The following FBXL7 variants were observed in gnomAD, a reference collection of about 807,000 sequenced individuals.
FBXL7 encodes the protein F-box and leucine rich repeat protein 7.
Under a neutral mutation model 38.3 loss-of-function variants are expected in FBXL7, and 12 were observed. That is an observed-to-expected ratio of 0.31 (90% CI 0.20 to 0.51). The LOEUF is 0.51. Ranked by LOEUF, FBXL7 falls within the 20% of genes least tolerant of loss-of-function variation. The pLI, the probability that FBXL7 is intolerant of heterozygous loss-of-function variation, is 0.98. For missense variants in FBXL7, 567 were observed against 676.4 expected, an observed-to-expected ratio of 0.84 and a Z score of 1.79; for synonymous variants, 297 against 300.9, an observed-to-expected ratio of 0.99 and a Z score of 0.13.
At chr5:15,679,430 A>G (rs1029331545) in intron 2 of FBXL7, among the ~76,000 whole-genome samples, 2 of 152,018 alleles carry the variant, frequency 1.3e-5, no homozygotes, top group African/African-American at 2.4e-5. Context: ...TACGATCCTT[A>G]TTTATGTTTT....
At chr5:15,641,967 G>A (rs1369571080) in intron 2 of FBXL7, among the ~76,000 whole-genome samples, 2 of 151,738 alleles carry the variant, frequency 1.3e-5, no homozygotes, top group Non-Finnish European at 2.9e-5. Flanking sequence ...GTGTGTGTGT[G>A]TGTGTGTGTG....
intron 2 of FBXL7, among the ~76,000 whole-genome samples, chr5:15,648,631 C>T (rs561335904): frequency 2.0e-5 from 3 of 152,334 alleles, no homozygotes; most frequent in Non-Finnish European, 2.9e-5. Context: ...GGCAGCATTG[C>T]TGCAAGATAA....
intron 1 of FBXL7, among the ~76,000 whole-genome samples, chr5:15,529,333 G>A (rs781084935): frequency 1.3e-5 from 2 of 151,574 alleles, no homozygotes; most frequent in Non-Finnish European, 2.9e-5. Flanking sequence ...AGATACCTGG[G>A]TTGATTCCAT....
At chr5:15,932,842 G>T (rs1363176033) in intron 3 of FBXL7, among the ~76,000 whole-genome samples, 1 of 152,132 alleles carries the variant, frequency 6.6e-6, no homozygotes, top group Non-Finnish European at 1.5e-5. Flanking sequence ...ACCCCTGGGT[G>T]CCCGGTGTCT....
rs554251308 is a variant in FBXL7 at position 15,590,061 on chromosome 5, G to T, written c.38-25922G>T. On this transcript the variant is annotated intron_variant, in intron 1 of 3. Transcript: ENST00000504595. ...GATCTTTGTTTTCAATCTCTCTTAAGATATCTTTGACCTTGGGAGTAAATG... is the reference window on the plus strand; with the variant it reads ...GATCTTTGTTTTCAATCTCTCTTAATATATCTTTGACCTTGGGAGTAAATG... Among the ~76,000 whole-genome samples the T allele has an allele frequency of 2.0e-4, 30 of 152,250 alleles. No individual in the cohort carries two copies. In the South Asian group the frequency reaches 5.6e-3, roughly 28 times the overall value.
chr5:15,545,780 G>T (rs557601888), intron 1 of FBXL7, among the ~76,000 whole-genome samples: 3 of 152,274 alleles, frequency 2.0e-5, no homozygotes, highest in Admixed American at 6.5e-5. Context: ...CAGAGTGTTT[G>T]GTTATCAAGT....
chr5:15,791,617 GTA>G (rs1737279219), intron 2 of FBXL7, among the ~76,000 whole-genome samples: 2 of 152,186 alleles, frequency 1.3e-5, no homozygotes, highest in African/African-American at 2.4e-5. Context: ...TCCCTGGTGG[GTA>G]GCTCCTGGGC....
intron 1 of FBXL7, among the ~76,000 whole-genome samples, chr5:15,535,146 G>A (rs1188221285): frequency 6.6e-6 from 1 of 152,138 alleles, no homozygotes; most frequent in Non-Finnish European, 1.5e-5. Context: ...GGCCTCCCAA[G>A]GCATGCAGAA....
rs116368647 is a variant in FBXL7 at position 15,869,090 on chromosome 5, G to T, written c.128-58800G>T. 3.4e-3 allele frequency among the ~76,000 whole-genome samples: 524 copies of T among 152,180 alleles called. 1 individual carries two copies. Among genetic ancestry groups the T allele is most frequent in the African/African-American group, 0.012 (492 of 41,530 alleles). ...CATTCCTCACCAGCTGCTGGTTGGG[G>T]GTGAACTCAGTTCCATGCCACATAA... is the stretch of plus-strand genomic sequence containing the variant. On this transcript the variant is annotated intron_variant, in intron 2 of 3. Transcript: ENST00000504595.
At chr5:15,509,622 A>T (rs540368507) in intron 1 of FBXL7, among the ~76,000 whole-genome samples, 1 of 152,188 alleles carries the variant, frequency 6.6e-6, no homozygotes, top group African/African-American at 2.4e-5. Context: ...ACAACAACAA[A>T]AAAAAGTGAG....
chr5:15,619,332 G>GC (rs1242258301), intron 2 of FBXL7, among the ~76,000 whole-genome samples: 8 of 152,156 alleles, frequency 5.3e-5, no homozygotes, highest in African/African-American at 1.9e-4. Context: ...CTCCCTGGTT[G>GC]CGGAATTACA....
chr5:15,874,080 T>A (rs1740094114), intron 2 of FBXL7, among the ~76,000 whole-genome samples: 1 of 152,192 alleles, frequency 6.6e-6, no homozygotes, highest in African/African-American at 2.4e-5. Context: ...CACAATCAAG[T>A]CAGCTTCATC....
chr5:15,911,522 G>A (rs895631174), intron 2 of FBXL7, among the ~76,000 whole-genome samples: 1 of 132,634 alleles, frequency 7.5e-6, no homozygotes, highest in Non-Finnish European at 1.5e-5. Flanking sequence ...TCTTCTCTCA[G>A]CTCGTCAAAA....
intron 2 of FBXL7, among the ~76,000 whole-genome samples, chr5:15,719,321 A>C (rs1287935683): frequency 6.6e-6 from 1 of 152,154 alleles, no homozygotes; most frequent in Admixed American, 6.5e-5. Flanking sequence ...TCTTTCACTG[A>C]CAAAATATCA....
At chr5:15,519,194 ATTAGCTGGGTGT>A (rs1737028685) in intron 1 of FBXL7, among the ~76,000 whole-genome samples, 1 of 152,120 alleles carries the variant, frequency 6.6e-6, no homozygotes, top group Non-Finnish European at 1.5e-5. Context: ...AAATAAAAAA[ATTAGCTGGGTGT>A]GGTGGCGTGT....
Position 15,883,537 on chromosome 5 carries a change from G to A in FBXL7, c.128-44353G>A, listed in dbSNP as rs73752348. 7.0e-3 allele frequency among the ~76,000 whole-genome samples: 1,072 copies of A among 152,238 alleles called. 20 individuals are homozygous for A. The highest frequency in any genetic ancestry group is 0.025 in the African/African-American group (1,019 of 41,540). ...TTTATAACACCAAATTGGGCACCAC[G>A]AATTCACTTACCATTCTTCAGGTGG... On this transcript the variant is annotated intron_variant, in intron 2 of 3. Transcript: ENST00000504595.
At chr5:15,615,959 G>C in intron 1 of FBXL7, 24 bp from the exon 2 acceptor site, 1 of 1,572,308 alleles carries the variant, frequency 6.4e-7, no homozygotes, top group Non-Finnish European at 8.7e-7. Flanking sequence ...AATCTCAAAA[G>C]CTGCTCATTC....
At chr5:15,505,852 A>G (rs1736630787) in intron 1 of FBXL7, among the ~76,000 whole-genome samples, 1 of 152,122 alleles carries the variant, frequency 6.6e-6, no homozygotes. Flanking sequence ...TCCGCTGGGG[A>G]TGAATTCTGA....
chr5:15,650,277 A>G (rs1386597527), intron 2 of FBXL7, among the ~76,000 whole-genome samples: 2 of 152,264 alleles, frequency 1.3e-5, no homozygotes, highest in East Asian at 3.8e-4. Context: ...TTATGTTTAC[A>G]CTATACTGTA....
Sources: allele counts gnomAD v4.1 joint callset (sites outside exome capture counted in the v4.1 genomes callset), GRCh38; gene constraint gnomAD v4.1.1; transcripts MANE v1.5; gene names NCBI Gene and HGNC (gene_info 2026-07-23, HGNC 2026-07-21).